Variants in MPRIP observed in about 807,000 individuals in gnomAD.
The protein encoded by MPRIP is myosin phosphatase Rho interacting protein, also known as myosin phosphatase Rho-interacting protein.
A neutral mutation model predicts 234.9 loss-of-function variants in MPRIP; 59 were observed. The observed-to-expected ratio is 0.25, with a 90% CI of 0.20 to 0.31. The LOEUF (loss-of-function observed/expected upper bound fraction) is 0.31, where lower values mean the gene tolerates loss of function less well. MPRIP is among the 10% of genes least tolerant of loss of function. MPRIP has a pLI of 1.00. For missense variants in MPRIP, 2,436 were observed against 3,071.0 expected, an observed-to-expected ratio of 0.79 and a Z score of 4.89; for synonymous variants, 1,144 against 1,263.9, an observed-to-expected ratio of 0.91 and a Z score of 2.01.
chr17:17,052,583 A>G (rs1567682149), intron 1 of MPRIP, among the ~76,000 whole-genome samples: 1 of 152,180 alleles, frequency 6.6e-6, no homozygotes, highest in Non-Finnish European at 1.5e-5. Context: ...CTTGTCTCTA[A>G]TAAGTGTTAA....
chr17:17,063,505 G>A (rs545428305), intron 1 of MPRIP, among the ~76,000 whole-genome samples: 67 of 152,222 alleles, frequency 4.4e-4, no homozygotes, highest in Non-Finnish European at 8.1e-4. Context: ...AGGTGAGGGG[G>A]CATGGGACCA....
At chr17:17,112,248 C>G (rs1039449155) in intron 3 of MPRIP, among the ~76,000 whole-genome samples, 1 of 152,156 alleles carries the variant, frequency 6.6e-6, no homozygotes, top group Admixed American at 6.5e-5. Flanking sequence ...GGGCCTAGCT[C>G]TCTCTGTCGG....
rs1441660582 is a variant in MPRIP, at chr17:17,166,189, A to G, written c.4598A>G (p.Gln1533Arg). The G allele has an allele frequency of 1.5e-6, 2 of 1,303,050 alleles. No individual in the cohort carries two copies. Among genetic ancestry groups the G allele is most frequent in the Admixed American group, 2.3e-5 (1 of 43,490 alleles). The allele number at this position is 1,303,050 out of a possible 1,614,324, so 80.7% of individuals were successfully genotyped here. A position where few individuals can be genotyped will look rare whatever the true frequency, so the allele number is the denominator to read the frequency against. The change falls in exon 16 of 24, where the codon CAG becomes CGG. Residue 1533 changes from glutamine (Q) to arginine (R), a missense_variant. Transcript: ENST00000651222. This position sits in a 1 kb window ranked among gnomAD's most constrained non-coding sequence, Gnocchi z 4.4. ...PAPAHGGARA[Q>R]LETGGTEENG... Reference sequence around the variant, plus strand: ...CCAGCCCATGGCGGGGCCCGTGCACAGCTGGAGACAGGTGGCACCGAGGAG... The same window carrying G: ...CCAGCCCATGGCGGGGCCCGTGCACGGCTGGAGACAGGTGGCACCGAGGAG...
At chr17:17,163,678 C>T (rs890555362) in intron 15 of MPRIP, among the ~76,000 whole-genome samples, 3 of 152,020 alleles carry the variant, frequency 2.0e-5, no homozygotes, top group East Asian at 1.9e-4. Flanking sequence ...ACCTTGTGTC[C>T]TGCGCTTGTT....
chr17:17,127,807 CCTTT>C (rs1467033893), intron 4 of MPRIP, among the ~76,000 whole-genome samples: 1 of 152,230 alleles, frequency 6.6e-6, no homozygotes, highest in African/African-American at 2.4e-5. Flanking sequence ...GGAGCACCAG[CCTTT>C]CTTTAGCCTC....
rs980546617 is a variant in MPRIP, at chr17:17,042,964, T to G, written c.116T>G (p.Leu39Arg). ...RESHLLNDEDLTQAKPIYGGW... is the reference protein window; with the variant it reads ...RESHLLNDEDRTQAKPIYGGW... ...TCGCATCTGCTCAACGACGAGGACC[T>G]GACGCAGGTGAGCGACTGGGGCCGG... Residue 39 changes from leucine (L) to arginine (R), a missense_variant, in exon 1 of 24, where the codon CTG becomes CGG. Leu to Arg is a moderately radical substitution (Grantham distance 102, BLOSUM62 -2). Coordinates refer to ENST00000651222, the MANE Select transcript of MPRIP (RefSeq NM_001364716.4). 6.2e-7 allele frequency: 1 copy of G among 1,609,688 alleles called. No homozygotes were observed. The highest frequency in any genetic ancestry group is 8.5e-7 in the Non-Finnish European group (1 of 1,178,228).
intron 3 of MPRIP, among the ~76,000 whole-genome samples, chr17:17,093,976 C>T (rs1170584371): frequency 2.6e-5 from 4 of 152,226 alleles, no homozygotes; most frequent in Non-Finnish European, 5.9e-5. Flanking sequence ...ACGTTCCAGA[C>T]TGACTCTGGC....
At position 17,110,961 on chromosome 17, in the gene MPRIP, T is replaced by A. The variant is rs1332688147; in HGVS notation, c.268-15741T>A. 2.0e-5 allele frequency among the ~76,000 whole-genome samples: 3 copies of A among 152,176 alleles called. No homozygotes were observed. In the East Asian group the frequency reaches 5.8e-4, roughly 29 times the overall value. ...GCCACCTGAATCAAGTTGTGCTGAA[T>A]GAGGTGTGAGCTTTAGTTAATAACA... On this transcript the variant is annotated intron_variant, in intron 3 of 23. Coordinates refer to ENST00000651222, the MANE Select transcript of MPRIP (RefSeq NM_001364716.4).
intron 18 of MPRIP, 138 bp from the exon 19 acceptor site, chr17:17,173,778 A>G (rs112275570): frequency 6.0e-6 from 6 of 993,154 alleles, no homozygotes; most frequent in Non-Finnish European, 9.5e-6. Context: ...CTTACTCTGT[A>G]TGACCCAGGC....
At chr17:17,097,976 CT>C (rs1022354846) in intron 3 of MPRIP, among the ~76,000 whole-genome samples, 5 of 152,238 alleles carry the variant, frequency 3.3e-5, no homozygotes, top group African/African-American at 1.2e-4. Flanking sequence ...ATTTTAGATC[CT>C]GTGTCATTCT....
intron 4 of MPRIP, among the ~76,000 whole-genome samples, chr17:17,130,863 G>C (rs1427436158): frequency 6.6e-6 from 1 of 152,168 alleles, no homozygotes; most frequent in African/African-American, 2.4e-5. Flanking sequence ...AATTCTATAT[G>C]GTGGAAGTAG....
intron 8 of MPRIP, among the ~76,000 whole-genome samples, chr17:17,143,238 C>G (rs568716016): frequency 6.6e-6 from 1 of 152,294 alleles, no homozygotes; most frequent in East Asian, 1.9e-4. Context: ...ACTGTCTGGC[C>G]CACAGCTTGC....
At chr17:17,132,082 A>G (rs886343229) in intron 5 of MPRIP, among the ~76,000 whole-genome samples, 10 of 152,154 alleles carry the variant, frequency 6.6e-5, no homozygotes, top group African/African-American at 2.4e-4. Context: ...ATGCAGTAGG[A>G]TGGGGAGGAG....
At chr17:17,123,102 GA>G (rs1277176189) in intron 3 of MPRIP, among the ~76,000 whole-genome samples, 1 of 152,336 alleles carries the variant, frequency 6.6e-6, no homozygotes, top group South Asian at 2.1e-4. Context: ...CTAAATCCTT[GA>G]AAATATGCTA....
At position 17,056,778 on chromosome 17, in the gene MPRIP, A is replaced by G. The variant is rs1368819459; in HGVS notation, c.123+13807A>G. Among the ~76,000 whole-genome samples, 3 of 151,094 alleles carry G rather than the reference A, an allele frequency of 2.0e-5. No individual in the cohort carries two copies. The East Asian group carries it at 5.8e-4, about 29-fold the overall frequency. ...CCCCCACCTTAACTATTAAGCAGTCACCCCCGCCTTTAGTCCCCAGCAACT... is the reference window on the plus strand; with the variant it reads ...CCCCCACCTTAACTATTAAGCAGTCGCCCCCGCCTTTAGTCCCCAGCAACT... On this transcript the variant is annotated intron_variant, in intron 1 of 23. Transcript: ENST00000651222.
At chr17:17,130,489 A>G (rs2090575952) in intron 4 of MPRIP, among the ~76,000 whole-genome samples, 1 of 150,428 alleles carries the variant, frequency 6.6e-6, no homozygotes, top group Non-Finnish European at 1.5e-5. Flanking sequence ...CTCTGGGCAC[A>G]GAAGACTCGA....
At chr17:17,073,496 A>G (rs1038930662) in intron 1 of MPRIP, among the ~76,000 whole-genome samples, 7 of 152,098 alleles carry the variant, frequency 4.6e-5, no homozygotes, top group Non-Finnish European at 1.0e-4. Flanking sequence ...ATGTGATGAC[A>G]CCCCAAGCCC....
chr17:17,189,953 T>C lies in MPRIP; in HGVS notation c.*5059T>C, dbSNP rs1269363186. ...AAGAAAGCTGCTGGGAACTTGCTTA[T>C]TAAAAAGTTCCTTAGAATTAAGGTA... is the stretch of plus-strand genomic sequence containing the variant. On this transcript the variant is annotated 3_prime_UTR_variant, in exon 24 of 24. Transcript: ENST00000651222. 1.3e-5 allele frequency: 2 copies of C among 152,234 alleles called. No homozygotes were observed. The highest frequency in any genetic ancestry group is 2.9e-5 in the Non-Finnish European group (2 of 68,042). The allele number at this position is 152,234 out of a possible 1,614,324, so 9.4% of individuals were successfully genotyped here. A position where few individuals can be genotyped will look rare whatever the true frequency, so the allele number is the denominator to read the frequency against.
intron 1 of MPRIP, among the ~76,000 whole-genome samples, chr17:17,052,207 C>T (rs536502993): frequency 6.5e-4 from 99 of 152,272 alleles, no homozygotes; most frequent in Middle Eastern, 6.8e-3. Flanking sequence ...CACCCTGGCT[C>T]CAGACTCCAC....
Sources: allele counts gnomAD v4.1 joint callset (sites outside exome capture counted in the v4.1 genomes callset), GRCh38; gene constraint gnomAD v4.1.1; non-coding constraint Gnocchi (gnomAD v3.1); transcripts MANE v1.5; gene names NCBI Gene and HGNC (gene_info 2026-07-23, HGNC 2026-07-21).